The following IGF1 variants were observed in gnomAD, a reference collection of about 807,000 sequenced individuals.
IGF1 encodes the protein insulin-like growth factor 1.
Under a neutral mutation model 13.8 loss-of-function variants are expected in IGF1, and 4 were observed. The observed-to-expected ratio is 0.29, with a 90% CI of 0.14 to 0.66. The LOEUF is 0.66. Ranked by LOEUF, IGF1 falls within the 30% of genes least tolerant of loss-of-function variation. The probability of loss-of-function intolerance (pLI) is 0.78; values close to 1 mark genes in which losing one functional copy is unlikely to be tolerated. For missense variants in IGF1, 124 were observed against 188.5 expected (o/e 0.66, Z 2.00); for synonymous variants, 76 against 72.6 (o/e 1.05, Z -0.23).
At chr12:102,480,203 ACT>A (rs1881319790) in intron 1 of IGF1, 114 bp downstream of exon 1, 2 of 981,392 alleles carry the variant, frequency 2.0e-6, no homozygotes, top group Non-Finnish European at 1.6e-6. Flanking sequence ...TTTATAAATA[ACT>A]CTCGGTTCCG....
At chr12:102,462,432 C>A (rs1015918817) in intron 2 of IGF1, among the ~76,000 whole-genome samples, 4 of 152,118 alleles carry the variant, frequency 2.6e-5, no homozygotes, top group African/African-American at 9.7e-5. Flanking sequence ...TCAGAACCAG[C>A]CAGAAGTAAG....
At chr12:102,467,634 C>T (rs575083565) in intron 2 of IGF1, among the ~76,000 whole-genome samples, 9 of 152,186 alleles carry the variant, frequency 5.9e-5, no homozygotes, top group East Asian at 1.9e-4. Context: ...ATTTCCACAG[C>T]GAGGGAGCAA....
At chr12:102,405,404 T>C (rs1005820261) in intron 3 of IGF1, among the ~76,000 whole-genome samples, 1 of 151,970 alleles carries the variant, frequency 6.6e-6, no homozygotes, top group Non-Finnish European at 1.5e-5. Flanking sequence ...TGCTTTCTTA[T>C]AGGAGTTCTC....
rs1873170845 is a variant in IGF1 at position 102,396,216 on chromosome 12, A to AT, written c.*6290dup. ...TTATCACACTTGGCCTATAAGTGTG[A>AT]TAAAAATACATGAGGCAAAATACAT... On this transcript the variant is annotated 3_prime_UTR_variant, in exon 4 of 4. Transcript: ENST00000337514. The AT allele has an allele frequency of 6.6e-6, 1 of 152,256 alleles. No homozygotes were observed. The highest frequency in any genetic ancestry group is 1.5e-5 in the Non-Finnish European group (1 of 68,040). 9.4% of individuals were successfully genotyped at this position (152,256 alleles called of 1,614,324 possible).
At chr12:102,465,538 A>T (rs1848409810) in intron 2 of IGF1, among the ~76,000 whole-genome samples, 1 of 152,212 alleles carries the variant, frequency 6.6e-6, no homozygotes, top group African/African-American at 2.4e-5. Flanking sequence ...CACAAGAAAA[A>T]AGGAGAAAAA....
In IGF1 at chr12:102,398,876, A is replaced by G. The variant is rs975968770; in HGVS notation, c.*3631T>C. Reference sequence around the variant, plus strand: ...ATAGCTGGCCAAACAATAAATGGGAAAGCAAAATGTGCTACATCTTTTATT... The same window carrying G: ...ATAGCTGGCCAAACAATAAATGGGAGAGCAAAATGTGCTACATCTTTTATT... On this transcript the variant is annotated 3_prime_UTR_variant, in exon 4 of 4. Transcript: ENST00000337514. The G allele has an allele frequency of 2.0e-5, 3 of 152,530 alleles. No homozygotes were observed. The highest frequency in any genetic ancestry group is 2.4e-5 in the African/African-American group (1 of 41,422). The allele number at this position is 152,530 out of a possible 1,614,324, so 9.4% of individuals were successfully genotyped here.
chr12:102,477,252 G>C (rs922060769), intron 1 of IGF1, among the ~76,000 whole-genome samples: 5 of 147,940 alleles, frequency 3.4e-5, no homozygotes, highest in African/African-American at 1.2e-4. Context: ...TTTGTAGTCA[G>C]ACCTTCACCT....
chr12:102,452,153 T>G (rs931693440), intron 2 of IGF1, among the ~76,000 whole-genome samples: 1 of 145,210 alleles, frequency 6.9e-6, no homozygotes, highest in African/African-American at 2.5e-5. Context: ...TCCCAGCTAC[T>G]CGGGAGGCTG....
chr12:102,413,625 C>G (rs1008146404), intron 3 of IGF1, among the ~76,000 whole-genome samples: 3 of 152,108 alleles, frequency 2.0e-5, no homozygotes, highest in African/African-American at 4.8e-5. Context: ...CTAAAGTGTC[C>G]CGGAAGCTGT....
intron 2 of IGF1, among the ~76,000 whole-genome samples, chr12:102,442,411 T>A (rs542961831): frequency 2.6e-5 from 4 of 152,256 alleles, no homozygotes; most frequent in African/African-American, 9.6e-5. Context: ...TGATATGACA[T>A]AGTGGGTGAT....
intron 2 of IGF1, among the ~76,000 whole-genome samples, chr12:102,436,906 C>T (rs753285089): frequency 2.0e-4 from 31 of 152,324 alleles, no homozygotes; most frequent in Non-Finnish European, 3.2e-4. Context: ...AGCTTTAAAT[C>T]CAACAGTGCC....
At chr12:102,404,138 T>C (rs1873933445) in intron 3 of IGF1, among the ~76,000 whole-genome samples, 1 of 152,186 alleles carries the variant, frequency 6.6e-6, no homozygotes, top group Admixed American at 6.5e-5. Flanking sequence ...CAGAAGGATG[T>C]AATGGATAAT....
At chr12:102,419,421 C>A in intron 3 of IGF1, 88 bp downstream of exon 3, 1 of 1,314,474 alleles carries the variant, frequency 7.6e-7, no homozygotes, top group Non-Finnish European at 1.1e-6. Context: ...AGCCAGGAGA[C>A]TATGGGGCAG....
intron 1 of IGF1, chr12:102,478,757 A>C (rs1881230728): frequency 2.5e-6 from 2 of 790,178 alleles, no homozygotes; most frequent in Non-Finnish European, 3.6e-6. Context: ...ACCTATTTCC[A>C]TTGTATGCCT....
chr12:102,430,297 A>G (rs1260864251), intron 2 of IGF1, among the ~76,000 whole-genome samples: 1 of 152,122 alleles, frequency 6.6e-6, no homozygotes, highest in Non-Finnish European at 1.5e-5. Flanking sequence ...TGTAACCCCA[A>G]TGGGAAGCCT....
chr12:102,459,369 G>A (rs771347571), intron 2 of IGF1, among the ~76,000 whole-genome samples: 41 of 152,162 alleles, frequency 2.7e-4, no homozygotes, highest in Non-Finnish European at 5.1e-4. Context: ...TGGGTGGGAC[G>A]GCTGGCCTCA....
intron 2 of IGF1, among the ~76,000 whole-genome samples, chr12:102,445,224 T>C (rs2137114527): frequency 6.6e-6 from 1 of 152,324 alleles, no homozygotes; most frequent in Admixed American, 6.5e-5. Context: ...ATCCAGGCTC[T>C]TTTTTGGTTC....
At chr12:102,441,957 T>TCTTCTTCTTC (rs71438463) in intron 2 of IGF1, among the ~76,000 whole-genome samples, 68 of 134,636 alleles carry the variant, frequency 5.1e-4, no homozygotes, top group African/African-American at 8.7e-4. Context: ...TTCTTCTTCT[T>TCTTCTTCTTC]TTTTTTTTTT....
At chr12:102,410,442 T>C (rs1874539828) in intron 3 of IGF1, among the ~76,000 whole-genome samples, 1 of 152,230 alleles carries the variant, frequency 6.6e-6, no homozygotes, top group Non-Finnish European at 1.5e-5. Context: ...TCAAATGTGG[T>C]ATTTTAAAAA....
Sources: gnomAD v4.1 joint callset for allele counts (sites outside exome capture counted in the v4.1 genomes callset) on GRCh38, gnomAD v4.1.1 for gene constraint, MANE v1.5 for transcripts, NCBI Gene and HGNC (gene_info 2026-07-23, HGNC 2026-07-21) for gene names.